The following PRKCZ variants were observed in gnomAD, a reference collection of about 807,000 sequenced individuals.
PRKCZ encodes the protein protein kinase C zeta type.
A neutral mutation model predicts 79.5 loss-of-function variants in PRKCZ; 33 were observed. The observed-to-expected ratio is 0.41, with a 90% CI of 0.31 to 0.55. The LOEUF (loss-of-function observed/expected upper bound fraction) is 0.55. Ranked by LOEUF, PRKCZ falls within the 20% of genes least tolerant of loss-of-function variation. PRKCZ has a pLI of 0.19. For synonymous variants in PRKCZ, 342 were observed against 320.9 expected, an observed-to-expected ratio of 1.07 and a Z score of -0.70; for missense variants, 578 against 813.5, an observed-to-expected ratio of 0.71 and a Z score of 3.52.
intron 16 of PRKCZ, among the ~76,000 whole-genome samples, chr1:2,180,499 C>T (rs568367112): frequency 4.7e-5 from 7 of 150,056 alleles, no homozygotes; most frequent in South Asian, 2.1e-4. Context: ...ACGACGCGGA[C>T]GCACAGATGA....
At chr1:2,090,026 C>A (rs1359528565) in intron 4 of PRKCZ, among the ~76,000 whole-genome samples, 1 of 152,202 alleles carries the variant, frequency 6.6e-6, no homozygotes, top group Non-Finnish European at 1.5e-5. Context: ...CTGGTGGAGC[C>A]GTCTCTTCTT....
At chr1:2,067,640 G>A (rs1046265577) in intron 4 of PRKCZ, among the ~76,000 whole-genome samples, 1 of 152,152 alleles carries the variant, frequency 6.6e-6, no homozygotes, top group Non-Finnish European at 1.5e-5. Context: ...GTGGTGGCAC[G>A]GGGGTCCGCA....
intron 5 of PRKCZ, among the ~76,000 whole-genome samples, chr1:2,136,672 T>G (rs985745951): frequency 2.0e-5 from 3 of 151,668 alleles, no homozygotes; most frequent in African/African-American, 7.3e-5. Flanking sequence ...CTCAGGAGAG[T>G]GTGGCTGGAG....
At position 2,074,070 on chromosome 1, in the gene PRKCZ, T is replaced by C. The variant is rs970128066; in HGVS notation, c.334+14479T>C. 8 of 1,481,586 alleles carry C rather than the reference T, an allele frequency of 5.4e-6. No homozygotes were observed. In the African/African-American group the frequency reaches 7.0e-5, roughly 13 times the overall value. The allele number at this position is 1,481,586 out of a possible 1,614,324, so 91.8% of individuals were successfully genotyped here. ...CCCGGCGTTGCCGCTGCCTGTGCGC[T>C]GCACAGATGCTCCGGGCAGCAACAC... On this transcript the variant is annotated intron_variant, in intron 4 of 17. Coordinates refer to ENST00000378567, the MANE Select transcript of PRKCZ (RefSeq NM_002744.6).
chr1:2,069,642 C>T (rs923942761), intron 4 of PRKCZ, among the ~76,000 whole-genome samples: 1 of 152,212 alleles, frequency 6.6e-6, no homozygotes, highest in Non-Finnish European at 1.5e-5. Flanking sequence ...GCCACTTCCC[C>T]TGGTGGGTGG....
chr1:2,166,278 C>T (rs913612540), intron 10 of PRKCZ, among the ~76,000 whole-genome samples: 1 of 151,988 alleles, frequency 6.6e-6, no homozygotes, highest in African/African-American at 2.4e-5. Context: ...AATTAGCTGG[C>T]GGTGGTGGTG....
chr1:2,048,647 A>G (rs373866479), upstream of PRKCZ, among the ~76,000 whole-genome samples: 16 of 152,226 alleles, frequency 1.1e-4, no homozygotes, highest in South Asian at 3.3e-3. Context: ...GTCAGCTGAG[A>G]GGCTCATTAG....
chr1:2,090,295 G>A (rs1439789677), intron 4 of PRKCZ, among the ~76,000 whole-genome samples: 2 of 152,204 alleles, frequency 1.3e-5, no homozygotes, highest in Non-Finnish European at 2.9e-5. Flanking sequence ...GGCCTGGCCG[G>A]TCTGCAGTCC....
intron 4 of PRKCZ, among the ~76,000 whole-genome samples, chr1:2,065,764 A>G (rs527666002): frequency 1.3e-5 from 2 of 151,188 alleles, no homozygotes; most frequent in African/African-American, 4.9e-5. Flanking sequence ...TCAGGTTTTC[A>G]TCACTGAGTG....
chr1:2,053,153 T>C (rs1332160156), intron 1 of PRKCZ, among the ~76,000 whole-genome samples: 2 of 151,556 alleles, frequency 1.3e-5, no homozygotes, highest in Non-Finnish European at 2.9e-5. Flanking sequence ...TTGCCCAGGC[T>C]GCAGTGGTGT....
Position 2,149,223 on chromosome 1 carries a change from G to A in PRKCZ, c.687+299G>A, listed in dbSNP as rs1017781939. 1.4e-4 allele frequency among the ~76,000 whole-genome samples: 21 copies of A among 152,350 alleles called. No individual in the cohort carries two copies. The highest frequency in any genetic ancestry group is 5.1e-4 in the African/African-American group (21 of 41,578). ...CAGGTGGTACAGTGGCCCAGGGGCT[G>A]GCTTTTGAGCTGCAATTTTTATCAA... On this transcript the variant is annotated intron_variant, in intron 8 of 17. Transcript: ENST00000378567. The surrounding 1 kb of genome is among the most constrained non-coding windows in gnomAD (Gnocchi z 4.1).
chr1:2,055,315 G>T (rs3121828), intron 1 of PRKCZ, 126 bp from the exon 2 acceptor site: 51,188 of 1,159,058 alleles, frequency 0.044, 1,441 homozygotes, highest in Non-Finnish European at 0.055. Flanking sequence ...AGGGGGTGGG[G>T]CTGTCATATT....
rs1660470164 is a variant in PRKCZ at position 2,059,443 on chromosome 1, T to G, written c.284-98T>G. ...AGTGCCACGTGCGCCTTGCGTGAAG[T>G]CCACGTGCTCAGCCTGACTGAGGCG... On this transcript the variant is annotated intron_variant, in intron 3 of 17. Transcript: ENST00000378567. 4.1e-6 allele frequency: 6 copies of G among 1,446,638 alleles called. No homozygotes were observed. In the South Asian group the frequency reaches 4.7e-5, roughly 11 times the overall value. The allele number at this position is 1,446,638 out of a possible 1,614,324, so 89.6% of individuals were successfully genotyped here.
Position 2,102,526 on chromosome 1 carries a change from G to GT in PRKCZ, c.335-32733dup, listed in dbSNP as rs1329111190. 2.0e-5 allele frequency among the ~76,000 whole-genome samples: 3 copies of GT among 151,988 alleles called. No homozygotes were observed. In the East Asian group the frequency reaches 5.8e-4, roughly 30 times the overall value. On this transcript the variant is annotated intron_variant, in intron 4 of 17. Transcript: ENST00000378567. ...TTTTTGTATTTTTAGTAGAGATGGG[G>GT]TTTCACTGTGTTAGCCGGGATGGTC... is the stretch of plus-strand genomic sequence containing the variant.
Position 2,082,062 on chromosome 1 carries a change from C to T in PRKCZ, c.334+22471C>T, listed in dbSNP as rs865920614. ...TGATCCGGGCTGCCGTGGTTCCGAT[C>T]GACTCCGAATAGGACACCACACAGT... On this transcript the variant is annotated intron_variant, in intron 4 of 17. Transcript: ENST00000378567. The surrounding 1 kb of genome is among the most constrained non-coding windows in gnomAD (Gnocchi z 4.4). Among the ~76,000 whole-genome samples the T allele has an allele frequency of 1.4e-4, 22 of 152,366 alleles. 1 individual carries two copies. In the Middle Eastern group the frequency reaches 0.014, roughly 94 times the overall value.
intron 7 of PRKCZ, among the ~76,000 whole-genome samples, chr1:2,146,720 C>T (rs766908165): frequency 2.6e-5 from 4 of 152,190 alleles, no homozygotes; most frequent in Non-Finnish European, 5.9e-5. Context: ...CATGTGAGTT[C>T]TGTCTCATTG....
chr1:2,129,006 A>G (rs1365591039), intron 4 of PRKCZ, among the ~76,000 whole-genome samples: 1 of 152,018 alleles, frequency 6.6e-6, no homozygotes, highest in Non-Finnish European at 1.5e-5. Flanking sequence ...ATCGCTTTCC[A>G]AGCAGAAACC....
chr1:2,095,726 TCCCCA>T (rs1666351261), intron 4 of PRKCZ, among the ~76,000 whole-genome samples: 2 of 83,160 alleles, frequency 2.4e-5, no homozygotes, highest in African/African-American at 9.5e-5. Context: ...TCCTTTTCCC[TCCCCA>T]CCTTTCCGCT....
chr1:2,121,672 T>TAGTTACTTAGGGTCAC lies in PRKCZ; in HGVS notation c.335-13590_335-13589insAGTTACTTAGGGTCAC, dbSNP rs1557612915. ...GTCACGGTGGTGGTTAGGGTCGTGG[T>TAGTTACTTAGGGTCAC]GGTGGTTAGGGTCACGGTGGTGGTT... On this transcript the variant is annotated intron_variant, in intron 4 of 17. Transcript: ENST00000378567. 2.8e-4 allele frequency among the ~76,000 whole-genome samples: 32 copies of TAGTTACTTAGGGTCAC among 116,094 alleles called. 9 individuals carry two copies. The highest frequency in any genetic ancestry group is 1.3e-3 in the African/African-American group (31 of 24,288). The allele number at this position is 116,094 out of a possible 152,430, so 76.2% of individuals were successfully genotyped here.
Sources: allele counts gnomAD v4.1 joint callset (sites outside exome capture counted in the v4.1 genomes callset), GRCh38; gene constraint gnomAD v4.1.1; non-coding constraint Gnocchi (gnomAD v3.1); transcripts MANE v1.5; gene names NCBI Gene and HGNC (gene_info 2026-07-23, HGNC 2026-07-21).